TMEM132D: variants seen among roughly 807,000 people sequenced by gnomAD.
The protein encoded by TMEM132D is mature OL transmembrane protein.
TMEM132D carries 21 observed loss-of-function variants against 62.3 expected under a neutral mutation model. That is an observed-to-expected ratio of 0.34 (90% CI 0.24 to 0.49). TMEM132D has a LOEUF of 0.49. TMEM132D is among the 20% of genes least tolerant of loss of function. TMEM132D has a pLI of 0.99. For synonymous variants in TMEM132D, 621 were observed against 575.6 expected (o/e 1.08, Z -1.13); for missense variants, 1,346 against 1,402.8 (o/e 0.96, Z 0.65).
intron 1 of TMEM132D, among the ~76,000 whole-genome samples, chr12:129,791,419 T>C (rs1165652434): frequency 6.6e-6 from 1 of 152,218 alleles, no homozygotes; most frequent in East Asian, 1.9e-4. Flanking sequence ...AATTACATGT[T>C]TCATCTTTTT....
At chr12:129,111,647 C>T (rs1348433079) in intron 5 of TMEM132D, 1 of 152,112 alleles carries the variant, frequency 6.6e-6, no homozygotes. Context: ...CTGAATGGCT[C>T]AGTTTTGATT....
chr12:129,824,484 T>C (rs1331945469), intron 1 of TMEM132D, among the ~76,000 whole-genome samples: 3 of 152,054 alleles, frequency 2.0e-5, no homozygotes, highest in African/African-American at 7.2e-5. Context: ...GCCCCAAGTA[T>C]GACGGATTCA....
At chr12:129,273,590 CAG>C (rs1322648192) in intron 4 of TMEM132D, among the ~76,000 whole-genome samples, 1 of 151,768 alleles carries the variant, frequency 6.6e-6, no homozygotes, top group East Asian at 1.9e-4. Flanking sequence ...GCAGCCATAA[CAG>C]AGAACGAAAT....
At chr12:129,536,272 A>T (rs548433229) in intron 2 of TMEM132D, among the ~76,000 whole-genome samples, 2 of 152,308 alleles carry the variant, frequency 1.3e-5, no homozygotes, top group East Asian at 3.9e-4. Flanking sequence ...ACTCCTACGC[A>T]TGTAGATTTG....
chr12:129,196,993 GGCC>G lies in TMEM132D; in HGVS notation c.1443+12524_1443+12526del, dbSNP rs1878567339. Among the ~76,000 whole-genome samples the G allele has an allele frequency of 5.9e-5, 9 of 152,114 alleles. No homozygotes were observed. In the South Asian group the frequency reaches 1.9e-3, roughly 32 times the overall value. On this transcript the variant is annotated intron_variant, in intron 5 of 8. Coordinates refer to ENST00000422113, the MANE Select transcript of TMEM132D (RefSeq NM_133448.3). ...TGTAAGTCACCACCCGTGAAGAAAA[GGCC>G]CAGTAGAGTCCATGAGCAGAGATTG...
Position 129,867,225 on chromosome 12 carries a change from A to G in TMEM132D, c.79+36036T>C, listed in dbSNP as rs1874086918. ...CAGTGAGCTAAGATCATGCCACTGC[A>G]CTCCAGCCTGGGTGACAGAGCCAGA... On this transcript the variant is annotated intron_variant, in intron 1 of 8. Coordinates refer to ENST00000422113, the MANE Select transcript of TMEM132D (RefSeq NM_133448.3). The surrounding 1 kb of genome is among the most constrained non-coding windows in gnomAD (Gnocchi z 4.5). Among the ~76,000 whole-genome samples the G allele has an allele frequency of 6.6e-6, 1 of 152,130 alleles. No individual in the cohort carries two copies. Among genetic ancestry groups the G allele is most frequent in the South Asian group, 2.1e-4 (1 of 4,824 alleles).
intron 1 of TMEM132D, among the ~76,000 whole-genome samples, chr12:129,729,957 C>T (rs1196045303): frequency 1.3e-5 from 2 of 151,998 alleles, no homozygotes; most frequent in Admixed American, 6.5e-5. Context: ...TTGTAACGTC[C>T]ATCCCCTGCC....
At chr12:129,391,567 T>C (rs1019367356) in intron 3 of TMEM132D, among the ~76,000 whole-genome samples, 6 of 151,998 alleles carry the variant, frequency 3.9e-5, no homozygotes, top group African/African-American at 1.5e-4. Flanking sequence ...TCAGAATTTC[T>C]CCCCCCGCCC....
chr12:129,300,361 G>A (rs981577492), intron 4 of TMEM132D, among the ~76,000 whole-genome samples: 6 of 152,276 alleles, frequency 3.9e-5, no homozygotes, highest in African/African-American at 1.2e-4. Flanking sequence ...AAAGACATTC[G>A]ATGACTGCTC....
At chr12:129,435,779 T>C (rs1183192588) in intron 3 of TMEM132D, among the ~76,000 whole-genome samples, 2 of 152,158 alleles carry the variant, frequency 1.3e-5, no homozygotes, top group African/African-American at 2.4e-5. Context: ...ATGCACTGCA[T>C]AAAAAGGGAA....
intron 4 of TMEM132D, among the ~76,000 whole-genome samples, chr12:129,217,968 C>T (rs1879254220): frequency 6.6e-6 from 1 of 152,146 alleles, no homozygotes; most frequent in African/African-American, 2.4e-5. Flanking sequence ...ACGCTCTCCC[C>T]TGGTCAAAAG....
At chr12:129,228,501 C>G (rs1879544128) in intron 4 of TMEM132D, among the ~76,000 whole-genome samples, 1 of 152,158 alleles carries the variant, frequency 6.6e-6, no homozygotes. Context: ...ATGTCCTTAG[C>G]TACTTCCCCA....
intron 1 of TMEM132D, among the ~76,000 whole-genome samples, chr12:129,747,571 C>G (rs1869842965): frequency 6.6e-6 from 1 of 150,636 alleles, no homozygotes; most frequent in Non-Finnish European, 1.5e-5. Context: ...CACTTTCAGA[C>G]ACACACACAC....
chr12:129,188,611 C>A (rs189050736), intron 5 of TMEM132D, among the ~76,000 whole-genome samples: 2 of 152,042 alleles, frequency 1.3e-5, no homozygotes, highest in South Asian at 4.2e-4. Flanking sequence ...CTTGTGGAGA[C>A]ACATACTAGC....
intron 5 of TMEM132D, among the ~76,000 whole-genome samples, chr12:129,164,112 A>G (rs899214869): frequency 2.0e-5 from 3 of 152,180 alleles, no homozygotes; most frequent in Non-Finnish European, 4.4e-5. Context: ...AATTCTTCAG[A>G]AAAAAACCAA....
chr12:129,784,587 C>T (rs1023477589), intron 1 of TMEM132D, among the ~76,000 whole-genome samples: 3 of 152,128 alleles, frequency 2.0e-5, no homozygotes, highest in African/African-American at 4.8e-5. Flanking sequence ...ATATAATTTC[C>T]ATCTCTTTTT....
chr12:129,318,597 T>C (rs963567930), intron 4 of TMEM132D, among the ~76,000 whole-genome samples: 5 of 152,156 alleles, frequency 3.3e-5, no homozygotes, highest in African/African-American at 1.2e-4. Context: ...GGCTGTTTAA[T>C]GCTCTATGTT....
intron 5 of TMEM132D, among the ~76,000 whole-genome samples, chr12:129,116,397 G>A (rs1200937172): frequency 6.6e-6 from 1 of 152,098 alleles, no homozygotes; most frequent in Non-Finnish European, 1.5e-5. Context: ...TATGCCCAGT[G>A]GAGAATGATA....
chr12:129,361,893 T>C (rs940220717), intron 3 of TMEM132D, among the ~76,000 whole-genome samples: 2 of 152,204 alleles, frequency 1.3e-5, no homozygotes, highest in Admixed American at 6.5e-5. Flanking sequence ...AAACACGCGA[T>C]GTGCCTGACA....
Sources: allele counts gnomAD v4.1 joint callset (sites outside exome capture counted in the v4.1 genomes callset), GRCh38; gene constraint gnomAD v4.1.1; non-coding constraint Gnocchi (gnomAD v3.1); transcripts MANE v1.5; gene names NCBI Gene and HGNC (gene_info 2026-07-23, HGNC 2026-07-21).